Variants in NCLN observed in about 807,000 individuals in gnomAD.
The protein encoded by NCLN is BOS complex subunit NCLN.
Under a neutral mutation model 69.5 loss-of-function variants are expected in NCLN, and 34 were observed. The ratio of observed to expected loss-of-function variants is 0.49; its 90% confidence interval spans 0.37 to 0.65. The LOEUF is 0.65. NCLN is among the 30% of genes least tolerant of loss of function. The pLI is 0.00. For missense variants in NCLN, 710 were observed against 804.8 expected, an observed-to-expected ratio of 0.88 and a Z score of 1.42; for synonymous variants, 393 against 358.3, an observed-to-expected ratio of 1.10 and a Z score of -1.09.
chr19:3,204,629 C>T lies in NCLN; in HGVS notation c.1086C>T (p.Asn362=), dbSNP rs762420321. 4.4e-6 allele frequency: 7 copies of T among 1,605,998 alleles called. No homozygotes were observed. The South Asian group carries it at 6.6e-5, about 15-fold the overall frequency. The change falls in exon 9 of 15, where the codon AAC becomes AAT. Residue 362 remains asparagine, a synonymous_variant. Coordinates refer to ENST00000246117, the MANE Select transcript of NCLN (RefSeq NM_020170.4). ...VRFSMVHKRI[N]LAEDVLAWEH... is the part of the protein sequence containing the mutation. Reference sequence around the variant, plus strand: ...TCTCCATGGTGCACAAGCGGATCAACCTGGCGGAGGACGTGCTGGCCTGGG... The same window carrying T: ...TCTCCATGGTGCACAAGCGGATCAATCTGGCGGAGGACGTGCTGGCCTGGG...
Position 3,186,162 on chromosome 19 carries a change from C to T in NCLN, c.132C>T (p.His44=). The part of the protein sequence containing the change: ...APPLPAADAA[H]EFTVYRMQQY... ...CGCTGCCTGCCGCCGACGCCGCGCA[C>T]GAGTTCACCGTGTACCGCATGCAGC... The change falls in exon 1 of 15, where the codon CAC becomes CAT. Residue 44 remains histidine (H), a synonymous_variant. Transcript: ENST00000246117. 1 of 1,596,328 alleles carries T rather than the reference C, an allele frequency of 6.3e-7. No homozygotes were observed. Among genetic ancestry groups the T allele is most frequent in the Non-Finnish European group, 8.5e-7 (1 of 1,173,758 alleles).
Position 3,206,135 on chromosome 19 carries a change from C to G in NCLN, c.1297-17C>G. ...GCAGGGGCCTGGACTCAGGGCCATCCCCTCCTCTCTCCGCAGGGGACACCC... is the reference window on the plus strand; with the variant it reads ...GCAGGGGCCTGGACTCAGGGCCATCGCCTCCTCTCTCCGCAGGGGACACCC... On this transcript the variant is annotated splice_polypyrimidine_tract_variant and intron_variant, in intron 10 of 14. Coordinates refer to ENST00000246117, the MANE Select transcript of NCLN (RefSeq NM_020170.4). The G allele has an allele frequency of 6.5e-7, 1 of 1,536,916 alleles. No homozygotes were observed. The highest frequency in any genetic ancestry group is 2.4e-5 in the East Asian group (1 of 41,182).
chr19:3,204,170 C>T (rs1467713930), intron 8 of NCLN, 26 bp downstream of exon 8: 2 of 1,496,066 alleles, frequency 1.3e-6, no homozygotes, highest in East Asian at 2.3e-5. Context: ...ATGGATGGGT[C>T]CGGAGCTCTG....
intron 3 of NCLN, among the ~76,000 whole-genome samples, chr19:3,194,459 G>A (rs938574954): frequency 6.6e-6 from 1 of 152,168 alleles, no homozygotes; most frequent in African/African-American, 2.4e-5. Context: ...CTGGCCAGGG[G>A]CCACCTGTTT....
intron 6 of NCLN, among the ~76,000 whole-genome samples, chr19:3,202,364 C>A (rs1317390822): frequency 6.6e-6 from 1 of 152,150 alleles, no homozygotes; most frequent in Non-Finnish European, 1.5e-5. Flanking sequence ...CCCCGTGGCC[C>A]TGTGGATGTC....
chr19:3,204,279 G>A, intron 8 of NCLN, 135 bp downstream of exon 8: 1 of 1,172,452 alleles, frequency 8.5e-7, no homozygotes. Flanking sequence ...TCGGGGTCGG[G>A]CTGGGGTGTT....
chr19:3,192,718 G>T, intron 2 of NCLN, 58 bp downstream of exon 2: 1 of 1,438,858 alleles, frequency 6.9e-7, no homozygotes, highest in Non-Finnish European at 9.1e-7. Context: ...GGAGTTGGAG[G>T]CAACTGTGTG....
chr19:3,197,405 C>T (rs536108057), intron 4 of NCLN, among the ~76,000 whole-genome samples: 4 of 152,322 alleles, frequency 2.6e-5, no homozygotes, highest in East Asian at 1.9e-4. Context: ...AGGCCACAGC[C>T]GGCCCTCTAC....
Position 3,207,626 on chromosome 19 carries a change from C to T in NCLN, c.1633-3C>T, listed in dbSNP as rs748869285. 1.2e-6 allele frequency: 2 copies of T among 1,612,836 alleles called. No individual in the cohort carries two copies. The highest frequency in any genetic ancestry group is 1.7e-5 in the Admixed American group (1 of 59,990). ...TCCTCACTCCCTCCTGCTGTGTCCC[C>T]AGCACTTCAGCCTCCTCTACAAGAC... On this transcript the variant is annotated splice_region_variant and splice_polypyrimidine_tract_variant and intron_variant, in intron 14 of 14. Transcript: ENST00000246117.
At position 3,205,390 on chromosome 19, in the gene NCLN, G is replaced by C. The variant is rs1280484911; in HGVS notation, c.1209-549G>C. On this transcript the variant is annotated intron_variant, in intron 9 of 14. Coordinates refer to ENST00000246117, the MANE Select transcript of NCLN (RefSeq NM_020170.4). This position sits in a 1 kb window ranked among gnomAD's most constrained non-coding sequence, Gnocchi z 4.6. Reference sequence around the variant, plus strand: ...TGCGGTCACTGGGCCCTCAGGAGTGGTTTGAGCTCAGCCATCGGAGGCCTG... The same window carrying C: ...TGCGGTCACTGGGCCCTCAGGAGTGCTTTGAGCTCAGCCATCGGAGGCCTG... Among the ~76,000 whole-genome samples, 1 of 152,234 alleles carries C rather than the reference G, an allele frequency of 6.6e-6. No homozygotes were observed.
At chr19:3,191,091 C>G (rs545909) in intron 1 of NCLN, among the ~76,000 whole-genome samples, 92 of 113,548 alleles carry the variant, frequency 8.1e-4, no homozygotes, top group Non-Finnish European at 1.5e-3. Context: ...GCAGGGAGAT[C>G]GTCGCGGTGC....
chr19:3,195,320 G>C (rs569589372), intron 3 of NCLN, among the ~76,000 whole-genome samples: 1 of 151,936 alleles, frequency 6.6e-6, no homozygotes, highest in East Asian at 2.0e-4. Context: ...CACAATCTCG[G>C]CTCACTGCAA....
Position 3,206,983 on chromosome 19 carries a change from G to A in NCLN, c.1500-215G>A, listed in dbSNP as rs575804276. Among the ~76,000 whole-genome samples, 16 of 152,066 alleles carry A rather than the reference G, an allele frequency of 1.1e-4. No individual in the cohort carries two copies. In the East Asian group the frequency reaches 2.3e-3, roughly 22 times the overall value. The stretch of plus-strand genomic sequence containing the variant: ...ATTACAGGCACCCGCCACCATGCCC[G>A]GCTAATTTTTTTTAATTTTTAGTAG... On this transcript the variant is annotated intron_variant, in intron 12 of 14. Coordinates refer to ENST00000246117, the MANE Select transcript of NCLN (RefSeq NM_020170.4).
intron 5 of NCLN, 53 bp from the exon 6 acceptor site, chr19:3,201,470 G>A: frequency 7.5e-7 from 1 of 1,334,868 alleles, no homozygotes; most frequent in East Asian, 2.5e-5. Flanking sequence ...GAGGTCATGG[G>A]GTGCGGGAGC....
intron 4 of NCLN, 76 bp from the exon 5 acceptor site, chr19:3,198,741 G>A: frequency 8.0e-7 from 1 of 1,242,922 alleles, no homozygotes; most frequent in Non-Finnish European, 1.1e-6. Flanking sequence ...GCCCAGAGGG[G>A]AGGGGTCTCC....
chr19:3,200,843 C>G (rs1304388612), intron 5 of NCLN, among the ~76,000 whole-genome samples: 2 of 152,138 alleles, frequency 1.3e-5, no homozygotes, highest in African/African-American at 4.8e-5. Flanking sequence ...TGGACGGGTC[C>G]TATGAACAGA....
chr19:3,197,436 T>G (rs1407596503), intron 4 of NCLN, among the ~76,000 whole-genome samples: 1 of 152,144 alleles, frequency 6.6e-6, no homozygotes, highest in Non-Finnish European at 1.5e-5. Flanking sequence ...AAATAAAGTT[T>G]TTGCTTGTTT....
intron 6 of NCLN, among the ~76,000 whole-genome samples, chr19:3,203,386 G>T (rs1916175061): frequency 6.6e-6 from 1 of 152,180 alleles, no homozygotes; most frequent in African/African-American, 2.4e-5. Context: ...TCTGTTGCCT[G>T]GTCGGTCACC....
At position 3,207,785 on chromosome 19, in the gene NCLN, G is replaced by T; in HGVS notation, c.*97G>T. ...TGCCCCGCCGCGGGCGGCCCTGCAG[G>T]GACAGGGGCCCTCTCCCTCCCCGGC... On this transcript the variant is annotated 3_prime_UTR_variant, in exon 15 of 15. Transcript: ENST00000246117. The T allele has an allele frequency of 9.5e-7, 1 of 1,050,210 alleles. No individual in the cohort carries two copies. The highest frequency in any genetic ancestry group is 1.4e-5 in the South Asian group (1 of 73,188). The allele number at this position is 1,050,210 out of a possible 1,614,324, so 65.1% of individuals were successfully genotyped here. A position where few individuals can be genotyped will look rare whatever the true frequency, so the allele number is the denominator to read the frequency against.
Sources: allele counts gnomAD v4.1 joint callset (sites outside exome capture counted in the v4.1 genomes callset), GRCh38; gene constraint gnomAD v4.1.1; non-coding constraint Gnocchi (gnomAD v3.1); transcripts MANE v1.5; gene names NCBI Gene and HGNC (gene_info 2026-07-23, HGNC 2026-07-21).